The following ZNF518A variants were observed in gnomAD, a reference collection of about 807,000 sequenced individuals.
ZNF518A encodes the protein zinc finger protein 518A.
ZNF518A carries 47 observed loss-of-function variants against 102.7 expected under a neutral mutation model. The ratio of observed to expected loss-of-function variants is 0.46; its 90% CI spans 0.36 to 0.58. ZNF518A has a LOEUF of 0.58. Ranked by LOEUF, ZNF518A falls within the 20% of genes least tolerant of loss-of-function variation. The pLI, the probability that ZNF518A is intolerant of heterozygous loss-of-function variation, is 0.00. For synonymous variants in ZNF518A, 652 were observed against 594.6 expected, an observed-to-expected ratio of 1.10 and a Z score of -1.40; for missense variants, 1,793 against 1,699.8, an observed-to-expected ratio of 1.05 and a Z score of -0.96.
chr10:96,165,647 A>G (rs587731942), downstream of ZNF518A, among the ~76,000 whole-genome samples: 4 of 152,090 alleles, frequency 2.6e-5, no homozygotes, highest in East Asian at 7.7e-4. Context: ...CTTTACAGGG[A>G]GGATTGTGGT....
intron 3 of ZNF518A, among the ~76,000 whole-genome samples, chr10:96,145,141 C>G (rs1359847962): frequency 6.6e-6 from 1 of 152,044 alleles, no homozygotes; most frequent in Non-Finnish European, 1.5e-5. Context: ...GTAATCTCAG[C>G]TTACTGCAAC....
rs1046962897 is a variant in ZNF518A, at chr10:96,200,847, A to G, written n.36-2727A>G. 2.5e-5 allele frequency: 21 copies of G among 856,090 alleles called. No homozygotes were observed. The Admixed American group carries it at 3.7e-4, about 15-fold the overall frequency. 53.0% of individuals were successfully genotyped at this position (856,090 alleles called of 1,614,324 possible). On this transcript the variant is annotated intron_variant and non_coding_transcript_variant, in intron 1 of 2. Transcript: ENST00000442635. The surrounding 1 kb of genome is among the most constrained non-coding windows in gnomAD (Gnocchi z 4.3). ...CTGGGTATTCTGTCCCTATTACCAA[A>G]TGACAGTTCACATAATGATGTAAAA...
intron 3 of ZNF518A, among the ~76,000 whole-genome samples, chr10:96,152,310 CAAAAT>C (rs781883677): frequency 5.9e-5 from 9 of 152,044 alleles, no homozygotes; most frequent in Admixed American, 2.0e-4. Flanking sequence ...GACCCTGTCT[CAAAAT>C]AAATAAGTAA....
downstream of ZNF518A, among the ~76,000 whole-genome samples, chr10:96,167,445 C>T (rs1332658940): frequency 2.0e-5 from 3 of 152,106 alleles, no homozygotes; most frequent in Non-Finnish European, 4.4e-5. Flanking sequence ...CAGCGAGACT[C>T]CACCTCAAAA....
At chr10:96,151,932 A>G (rs1554880477) in intron 3 of ZNF518A, among the ~76,000 whole-genome samples, 1 of 152,218 alleles carries the variant, frequency 6.6e-6, no homozygotes, top group African/African-American at 2.4e-5. Flanking sequence ...AAATTGTATT[A>G]TTTCAAGACT....
chr10:96,194,389 TA>T (rs2083405760), intron 1 of ZNF518A, among the ~76,000 whole-genome samples: 1 of 152,118 alleles, frequency 6.6e-6, no homozygotes, highest in African/African-American at 2.4e-5. Flanking sequence ...TTCCCCAATA[TA>T]AAAATTCTAG....
At chr10:96,166,498 G>A (rs587662713), downstream of ZNF518A, among the ~76,000 whole-genome samples, 10 of 152,194 alleles carry the variant, frequency 6.6e-5, no homozygotes, top group African/African-American at 2.4e-4. Context: ...GGCCAGGCAC[G>A]GTGGCTCAGT....
At chr10:96,187,803 G>A (rs140908119) in intron 1 of ZNF518A, among the ~76,000 whole-genome samples, 30 of 152,268 alleles carry the variant, frequency 2.0e-4, no homozygotes, top group Non-Finnish European at 4.1e-4. Context: ...CCATTTGTTT[G>A]TCAGCCATTG....
chr10:96,142,450 A>G (rs1424163852), intron 3 of ZNF518A, among the ~76,000 whole-genome samples: 2 of 151,990 alleles, frequency 1.3e-5, no homozygotes, highest in Admixed American at 6.6e-5. Flanking sequence ...ATTCATTCAT[A>G]TGACTGTTTT....
chr10:96,147,613 T>C (rs1481157319), intron 3 of ZNF518A, among the ~76,000 whole-genome samples: 1 of 152,256 alleles, frequency 6.6e-6, no homozygotes, highest in Non-Finnish European at 1.5e-5. Flanking sequence ...GGTTGAAAGC[T>C]TTATGCCAGA....
In ZNF518A at chr10:96,157,391, A is replaced by G; in HGVS notation, c.1069A>G (p.Lys357Glu). The G allele has an allele frequency of 6.2e-7, 1 of 1,612,090 alleles. No individual in the cohort carries two copies. The highest frequency in any genetic ancestry group is 8.5e-7 in the Non-Finnish European group (1 of 1,179,012). The change falls in exon 6 of 6, where the codon AAA becomes GAA. Residue 357 changes from lysine to glutamate, a missense_variant. Lys to Glu is a moderately conservative substitution (Grantham distance 56). This residue lies in a region of ZNF518A where 1,741 missense variants were observed against 1,622.6 expected (regional missense o/e 1.07). Coordinates refer to ENST00000316045, the MANE Select transcript of ZNF518A (RefSeq NM_001330736.2). Reference protein sequence around the residue: ...VLKKMNKTQTKSEDQSHVVQE... With the variant: ...VLKKMNKTQTESEDQSHVVQE... Reference sequence around the variant, plus strand: ...TAAGAAAATGAACAAAACACAGACTAAATCTGAAGACCAGAGCCATGTTGT... The same window carrying G: ...TAAGAAAATGAACAAAACACAGACTGAATCTGAAGACCAGAGCCATGTTGT...
chr10:96,189,592 A>G, intron 1 of ZNF518A: 1 of 688,948 alleles, frequency 1.5e-6, no homozygotes. Context: ...CTTGGTGTTG[A>G]TGATGGGTTT....
chr10:96,174,885 G>A (rs1330124025), intron 1 of ZNF518A, among the ~76,000 whole-genome samples: 1 of 152,148 alleles, frequency 6.6e-6, no homozygotes. Flanking sequence ...GGGGCCTTAG[G>A]GAGATACTTA....
At position 96,157,938 on chromosome 10, in the gene ZNF518A, A is replaced by C. The variant is rs782192888; in HGVS notation, c.1616A>C (p.Asn539Thr). The change falls in exon 6 of 6, where the codon AAT becomes ACT. Residue 539 changes from asparagine (N) to threonine (T), a missense_variant. Around this residue, in one of 3 missense-constraint regions of ZNF518A, gnomAD observed 1,741 missense variants for 1,622.6 expected, o/e 1.07. Transcript: ENST00000316045. ...KEMTLISQRNNMLQTMDYEKS... is the reference protein window; with the variant it reads ...KEMTLISQRNTMLQTMDYEKS... ...ATGACTTTGATATCTCAAAGGAATA[A>C]TATGCTTCAAACAATGGATTATGAG... The C allele has an allele frequency of 6.2e-7, 1 of 1,613,760 alleles. No individual in the cohort carries two copies. The highest frequency in any genetic ancestry group is 8.5e-7 in the Non-Finnish European group (1 of 1,179,800).
In ZNF518A at chr10:96,159,620, G is replaced by A. The variant is rs782779451; in HGVS notation, c.3298G>A (p.Asp1100Asn). 6.2e-7 allele frequency: 1 copy of A among 1,613,820 alleles called. No individual in the cohort carries two copies. The highest frequency in any genetic ancestry group is 2.2e-5 in the East Asian group (1 of 44,886). Reference sequence around the variant, plus strand: ...ACCACCTCTTTATACCTTCTTGCCTGATGGCAAACAAGCTGTTTTTTTAAA... The same window carrying A: ...ACCACCTCTTTATACCTTCTTGCCTAATGGCAAACAAGCTGTTTTTTTAAA... ...PKPPLYTFLP[D>N]GKQAVFLKCV... Residue 1100 changes from aspartate (D) to asparagine (N), a missense_variant, in exon 6 of 6, where the codon GAT becomes AAT. Around this residue, in one of 3 missense-constraint regions of ZNF518A, gnomAD observed 1,741 missense variants for 1,622.6 expected, o/e 1.07. Coordinates refer to ENST00000316045, the MANE Select transcript of ZNF518A (RefSeq NM_001330736.2).
At chr10:96,136,397 T>A (rs1349081613) in intron 3 of ZNF518A, among the ~76,000 whole-genome samples, 7 of 150,202 alleles carry the variant, frequency 4.7e-5, no homozygotes, top group African/African-American at 9.7e-5. Flanking sequence ...TTATATATAT[T>A]TATTTATTTC....
At chr10:96,182,590 G>A (rs1288436843) in intron 1 of ZNF518A, among the ~76,000 whole-genome samples, 5 of 152,000 alleles carry the variant, frequency 3.3e-5, no homozygotes, top group African/African-American at 9.7e-5. Context: ...TGAGGTAATC[G>A]TGTGATTTTT....
intron 3 of ZNF518A, among the ~76,000 whole-genome samples, chr10:96,154,982 A>T (rs1452397480): frequency 6.6e-6 from 1 of 152,182 alleles, no homozygotes; most frequent in Non-Finnish European, 1.5e-5. Context: ...CTTTGGATAG[A>T]CATTATGGAT....
At chr10:96,150,860 C>G (rs1040371153) in intron 3 of ZNF518A, among the ~76,000 whole-genome samples, 1 of 146,428 alleles carries the variant, frequency 6.8e-6, no homozygotes, top group Non-Finnish European at 1.5e-5. Flanking sequence ...TCAAACAATT[C>G]TTGAGCCTCA....
Sources: gnomAD v4.1 joint callset for allele counts (sites outside exome capture counted in the v4.1 genomes callset) on GRCh38, gnomAD v4.1.1 for gene constraint, gnomAD v4.1.1 regional missense constraint, Gnocchi (gnomAD v3.1) non-coding constraint, MANE v1.5 for transcripts, NCBI Gene and HGNC (gene_info 2026-07-23, HGNC 2026-07-21) for gene names.